Variants in KCNMA1 observed in about 807,000 individuals in gnomAD.
KCNMA1 encodes the protein Calcium-activated potassium channel subunit alpha-1.
A neutral mutation model predicts 140.0 loss-of-function variants in KCNMA1; 29 were observed. That is an observed-to-expected ratio of 0.21 (90% CI 0.15 to 0.28). The LOEUF is 0.28. Ranked by LOEUF, KCNMA1 falls within the 10% of genes least tolerant of loss-of-function variation. The probability of loss-of-function intolerance (pLI) is 1.00; values close to 1 mark genes in which losing one functional copy is unlikely to be tolerated. For missense variants in KCNMA1, 880 were observed against 1,602.2 expected, an observed-to-expected ratio of 0.55 and a Z score of 7.70; for synonymous variants, 612 against 611.9, an observed-to-expected ratio of 1.00 and a Z score of 0.00.
intron 1 of KCNMA1, among the ~76,000 whole-genome samples, chr10:77,442,954 C>T (rs1936808286): frequency 6.6e-6 from 1 of 152,194 alleles, no homozygotes; most frequent in South Asian, 2.1e-4. Flanking sequence ...GCTCAGGGTC[C>T]CTCACTCCGC....
chr10:77,636,188 G>A lies in KCNMA1; in HGVS notation c.378+1077C>T. 4 of 1,423,298 alleles carry A rather than the reference G, an allele frequency of 2.8e-6. No individual in the cohort carries two copies. The South Asian group carries it at 4.6e-5, about 16-fold the overall frequency. The allele number at this position is 1,423,298 out of a possible 1,614,324, so 88.2% of individuals were successfully genotyped here. ...GGAATTACTCAGAAAGAAGGCAGCT[G>A]GCTCACTCTCTTTTTTCCAGTTCTT... On this transcript the variant is annotated intron_variant, in intron 1 of 27. Transcript: ENST00000286628.
intron 22 of KCNMA1, among the ~76,000 whole-genome samples, chr10:76,947,771 A>G (rs933453308): frequency 1.3e-5 from 2 of 152,090 alleles, no homozygotes; most frequent in East Asian, 1.9e-4. Flanking sequence ...TTGAGTCCCT[A>G]TTGTGTCAGG....
chr10:76,881,586 A>C (rs944227122), downstream of KCNMA1, among the ~76,000 whole-genome samples: 2 of 152,192 alleles, frequency 1.3e-5, no homozygotes, highest in African/African-American at 2.4e-5. Context: ...AAGAGTGCTC[A>C]TGAGAATGCC....
chr10:77,403,303 G>A lies in KCNMA1; in HGVS notation c.540+559C>T, dbSNP rs917385576. 2.6e-5 allele frequency among the ~76,000 whole-genome samples: 4 copies of A among 152,082 alleles called. 1 individual carries two copies. The highest frequency in any genetic ancestry group is 1.3e-4 in the Admixed American group (2 of 15,270). ...GCACACAAGCGAGCTCTAGGTACAC[G>A]GGCCAGGCAGCCTCAGGTGGGCTAC... On this transcript the variant is annotated intron_variant, in intron 2 of 27. Coordinates refer to ENST00000286628, the MANE Select transcript of KCNMA1 (RefSeq NM_001161352.2).
intron 1 of KCNMA1, among the ~76,000 whole-genome samples, chr10:77,549,935 T>C (rs1336877764): frequency 2.0e-5 from 3 of 152,234 alleles, no homozygotes; most frequent in African/African-American, 7.2e-5. Flanking sequence ...ATTTTCCTCC[T>C]TGCCAATGCT....
At position 77,413,367 on chromosome 10, in the gene KCNMA1, C is replaced by T. The variant is rs895704619; in HGVS notation, c.379-9344G>A. On this transcript the variant is annotated intron_variant, in intron 1 of 27. Transcript: ENST00000286628. ...TGGGGCTGGGTCTTCCGTGTCCCCC[C>T]TCCCATGCCAAAGAGGACATCCACC... Among the ~76,000 whole-genome samples, 6 of 152,104 alleles carry T rather than the reference C, an allele frequency of 3.9e-5. No individual in the cohort carries two copies. In the East Asian group the frequency reaches 1.2e-3, roughly 29 times the overall value.
Position 77,637,184 on chromosome 10 carries a change from C to T in KCNMA1, c.378+81G>A, listed in dbSNP as rs375466432. 1,063 of 1,357,408 alleles carry T rather than the reference C, an allele frequency of 7.8e-4. 7 individuals are homozygous for T. In the African/African-American group the frequency reaches 0.012, roughly 16 times the overall value. 84.1% of individuals were successfully genotyped at this position (1,357,408 alleles called of 1,614,324 possible). A position where few individuals can be genotyped will look rare whatever the true frequency, so the allele number is the denominator to read the frequency against. ...GGATGGAGGGAGGCACGGCGCGGCG[C>T]GGAGCGAGGAGGTGGGCTGCAGGGG... On this transcript the variant is annotated intron_variant, in intron 1 of 27. Coordinates refer to ENST00000286628, the MANE Select transcript of KCNMA1 (RefSeq NM_001161352.2).
At chr10:77,411,537 C>A (rs990666977) in intron 1 of KCNMA1, among the ~76,000 whole-genome samples, 7 of 152,200 alleles carry the variant, frequency 4.6e-5, no homozygotes, top group African/African-American at 1.7e-4. Context: ...TTAAATCCAG[C>A]TGTCTGATGC....
chr10:77,514,905 T>G (rs1223484868), intron 1 of KCNMA1, among the ~76,000 whole-genome samples: 1 of 152,128 alleles, frequency 6.6e-6, no homozygotes, highest in Non-Finnish European at 1.5e-5. Context: ...TTTGTTTTTT[T>G]TTGTTTTTTT....
At chr10:77,012,328 G>T in intron 17 of KCNMA1, 1 of 1,465,316 alleles carries the variant, frequency 6.8e-7, no homozygotes. Flanking sequence ...CTGCTCATTC[G>T]TCTTTCATTT....
intron 1 of KCNMA1, among the ~76,000 whole-genome samples, chr10:77,602,639 C>T (rs2083037685): frequency 6.6e-6 from 1 of 152,128 alleles, no homozygotes; most frequent in Non-Finnish European, 1.5e-5. Context: ...CCCTGCCCCA[C>T]AAGCTGTCTG....
At chr10:77,550,355 G>T (rs932780980) in intron 1 of KCNMA1, among the ~76,000 whole-genome samples, 1 of 152,182 alleles carries the variant, frequency 6.6e-6, no homozygotes, top group Admixed American at 6.5e-5. Context: ...GGTCCTGGGA[G>T]GTGCTGTAGC....
chr10:77,500,687 A>G (rs957202649), intron 1 of KCNMA1, among the ~76,000 whole-genome samples: 2 of 152,202 alleles, frequency 1.3e-5, no homozygotes, highest in African/African-American at 2.4e-5. Context: ...ATTGTCAAAA[A>G]TAAGAGGAGA....
At chr10:77,255,262 T>A (rs1276353421) in intron 2 of KCNMA1, among the ~76,000 whole-genome samples, 1 of 152,200 alleles carries the variant, frequency 6.6e-6, no homozygotes, top group Non-Finnish European at 1.5e-5. Context: ...AAACAAGACA[T>A]GTGTTTGCAC....
chr10:77,005,871 A>C (rs552973015), intron 18 of KCNMA1, among the ~76,000 whole-genome samples: 5 of 152,348 alleles, frequency 3.3e-5, no homozygotes, highest in African/African-American at 1.2e-4. Flanking sequence ...TGTTTAAAAC[A>C]AAAAGGCTTC....
intron 14 of KCNMA1, among the ~76,000 whole-genome samples, chr10:77,061,886 T>C (rs1595044178): frequency 6.6e-6 from 1 of 152,116 alleles, no homozygotes. Context: ...CTATGCTAAA[T>C]GAAAAAAGCC....
intron 1 of KCNMA1, among the ~76,000 whole-genome samples, chr10:77,513,094 G>A (rs1003641020): frequency 4.6e-5 from 7 of 151,972 alleles, no homozygotes; most frequent in African/African-American, 9.7e-5. Flanking sequence ...CCTGAAAAAC[G>A]GCCCCTGCCA....
intron 2 of KCNMA1, among the ~76,000 whole-genome samples, chr10:77,383,541 C>A (rs2095500212): frequency 6.6e-6 from 1 of 151,752 alleles, no homozygotes. Context: ...CAGCCATCAC[C>A]ATTATCCATC....
At chr10:77,130,145 C>A (rs987769525) in intron 5 of KCNMA1, among the ~76,000 whole-genome samples, 1 of 152,164 alleles carries the variant, frequency 6.6e-6, no homozygotes, top group African/African-American at 2.4e-5. Context: ...TGGCCCTCAA[C>A]TTACAATGGT....
Sources: allele counts gnomAD v4.1 joint callset (sites outside exome capture counted in the v4.1 genomes callset), GRCh38; gene constraint gnomAD v4.1.1; transcripts MANE v1.5; gene names NCBI Gene and HGNC (gene_info 2026-07-23, HGNC 2026-07-21).